The following SCHIP1 variants were observed in gnomAD, a reference collection of about 807,000 sequenced individuals.
The protein encoded by SCHIP1 is schwannomin interacting protein 1, also known as schwannomin-interacting protein 1.
Under a neutral mutation model 29.7 loss-of-function variants are expected in SCHIP1, and 8 were observed. That is an observed-to-expected ratio of 0.27 (90% CI 0.16 to 0.49). The LOEUF (loss-of-function observed/expected upper bound fraction) is 0.49. Among genes scored for constraint, SCHIP1 ranks in the 20% least tolerant of loss-of-function variants. The probability of loss-of-function intolerance (pLI) is 0.99; values close to 1 mark genes in which losing one functional copy is unlikely to be tolerated. For synonymous variants in SCHIP1, 76 were observed against 94.9 expected (o/e 0.80, Z 1.16); for missense variants, 193 against 294.6 (o/e 0.66, Z 2.52).
At chr3:159,606,302 T>C in the SCHIP1 span, among the ~76,000 whole-genome samples, 1 of 152,094 alleles carries the variant, frequency 6.6e-6, no homozygotes, top group African/African-American at 2.4e-5. Flanking sequence ...CTCAAAAAAG[T>C]GGGAAGGAGA....
chr3:159,663,258 T>C, the SCHIP1 span, among the ~76,000 whole-genome samples: 1 of 152,192 alleles, frequency 6.6e-6, no homozygotes, highest in Non-Finnish European at 1.5e-5. Flanking sequence ...AACTCAGGTC[T>C]GAGGCAGGAC....
the SCHIP1 span, among the ~76,000 whole-genome samples, chr3:159,742,608 T>C: frequency 2.0e-5 from 3 of 152,074 alleles, no homozygotes; most frequent in African/African-American, 4.8e-5. Context: ...ACGGTATAAG[T>C]ATGGGGTTAA....
the SCHIP1 span, among the ~76,000 whole-genome samples, chr3:159,603,348 A>G: frequency 6.6e-6 from 1 of 152,166 alleles, no homozygotes; most frequent in Non-Finnish European, 1.5e-5. Flanking sequence ...TTACATAGAC[A>G]TGATTGATTA....
chr3:159,842,993 A>ATTTC (rs763889261), intron 1 of SCHIP1, among the ~76,000 whole-genome samples: 15 of 48,098 alleles, frequency 3.1e-4, no homozygotes, highest in Admixed American at 1.2e-3. Flanking sequence ...CTATCCCAAT[A>ATTTC]TTTCTTTCTT....
At chr3:159,438,689 G>A in the SCHIP1 span, among the ~76,000 whole-genome samples, 3 of 152,134 alleles carry the variant, frequency 2.0e-5, no homozygotes, top group East Asian at 5.8e-4. Context: ...TCCCCCATGT[G>A]TCCATATTGT....
intron 1 of SCHIP1, among the ~76,000 whole-genome samples, chr3:159,848,044 T>A (rs1013270159): frequency 6.6e-6 from 1 of 152,222 alleles, no homozygotes; most frequent in Non-Finnish European, 1.5e-5. Context: ...AGTGCATAAG[T>A]GATCTCCCAG....
At chr3:159,713,283 A>AT in the SCHIP1 span, among the ~76,000 whole-genome samples, 8 of 151,568 alleles carry the variant, frequency 5.3e-5, no homozygotes, top group Non-Finnish European at 1.0e-4. Flanking sequence ...AAAGAAAGAA[A>AT]GAAAAAAGAA....
chr3:159,466,112 TA>T, the SCHIP1 span, among the ~76,000 whole-genome samples: 4 of 152,086 alleles, frequency 2.6e-5, no homozygotes, highest in South Asian at 2.1e-4. Context: ...ATCATTTAGC[TA>T]GGGGGTAAGA....
At chr3:159,716,922 T>A in the SCHIP1 span, among the ~76,000 whole-genome samples, 1 of 152,186 alleles carries the variant, frequency 6.6e-6, no homozygotes, top group African/African-American at 2.4e-5. Flanking sequence ...CCTCCCCAAA[T>A]CAACAGAATA....
At chr3:159,503,661 A>T in the SCHIP1 span, among the ~76,000 whole-genome samples, 2 of 152,150 alleles carry the variant, frequency 1.3e-5, no homozygotes, top group African/African-American at 4.8e-5. Context: ...GCTCTCAGGT[A>T]AAAAGGATAA....
At chr3:159,385,153 G>A in the SCHIP1 span, among the ~76,000 whole-genome samples, 1 of 152,156 alleles carries the variant, frequency 6.6e-6, no homozygotes, top group Non-Finnish European at 1.5e-5. Context: ...TTAGATCTAA[G>A]CCACTTGGTG....
At chr3:159,580,819 T>C in the SCHIP1 span, among the ~76,000 whole-genome samples, 1 of 152,200 alleles carries the variant, frequency 6.6e-6, no homozygotes, top group Non-Finnish European at 1.5e-5. Context: ...CTCTAAGAGA[T>C]GGTTATCTTT....
At chr3:159,479,076 A>G in the SCHIP1 span, among the ~76,000 whole-genome samples, 1 of 152,124 alleles carries the variant, frequency 6.6e-6, no homozygotes, top group Non-Finnish European at 1.5e-5. Context: ...AATTTTTTAA[A>G]TATTTACAAA....
the SCHIP1 span, among the ~76,000 whole-genome samples, chr3:159,361,616 A>G: frequency 6.6e-6 from 1 of 152,316 alleles, no homozygotes; most frequent in East Asian, 1.9e-4. Flanking sequence ...CTTTCTGGCA[A>G]GTGTTTGGAG....
the SCHIP1 span, among the ~76,000 whole-genome samples, chr3:159,796,341 G>C: frequency 6.6e-6 from 1 of 152,218 alleles, no homozygotes; most frequent in Admixed American, 6.5e-5. Context: ...AGAAGCTAGG[G>C]GGAGAGGGAA....
chr3:159,410,685 GT>G, the SCHIP1 span, among the ~76,000 whole-genome samples: 1 of 152,066 alleles, frequency 6.6e-6, no homozygotes, highest in Admixed American at 6.6e-5. Flanking sequence ...AGAAATGTAA[GT>G]TAGTGCAACC....
At chr3:159,429,129 G>A in the SCHIP1 span, among the ~76,000 whole-genome samples, 2 of 151,222 alleles carry the variant, frequency 1.3e-5, 1 homozygote, top group African/African-American at 4.9e-5. Context: ...CCACTAGCAT[G>A]GCACATGTAT....
the SCHIP1 span, among the ~76,000 whole-genome samples, chr3:159,626,283 G>A: frequency 2.8e-5 from 4 of 145,096 alleles, no homozygotes; most frequent in Non-Finnish European, 3.0e-5. Context: ...TAGATAGATA[G>A]ATAGATAGAT....
chr3:159,628,839 G>C, the SCHIP1 span, among the ~76,000 whole-genome samples: 1 of 152,056 alleles, frequency 6.6e-6, no homozygotes, highest in Non-Finnish European at 1.5e-5. Flanking sequence ...AGCAGCACCT[G>C]ATTATGTTTT....
Sources: gnomAD v4.1 joint callset for allele counts (sites outside exome capture counted in the v4.1 genomes callset) on GRCh38, gnomAD v4.1.1 for gene constraint, MANE v1.5 for transcripts, NCBI Gene and HGNC (gene_info 2026-07-23, HGNC 2026-07-21) for gene names.